EYS: variants seen among roughly 807,000 people sequenced by gnomAD.
EYS encodes the protein protein eyes shut homolog.
In EYS, 250 loss-of-function variants were observed where a neutral mutation model predicts 282.1. The observed-to-expected ratio is 0.89, with a 90% confidence interval of 0.80 to 0.98. EYS has a LOEUF of 0.98. Among genes scored for constraint, EYS ranks in the 50% least tolerant of loss-of-function variants. The pLI is 0.00. For synonymous variants in EYS, 1,355 were observed against 1,282.9 expected, an observed-to-expected ratio of 1.06 and a Z score of -1.20; for missense variants, 4,016 against 3,709.0, an observed-to-expected ratio of 1.08 and a Z score of -2.15.
chr6:65,545,113 T>C (rs985571489), intron 2 of EYS, among the ~76,000 whole-genome samples: 5 of 152,082 alleles, frequency 3.3e-5, no homozygotes, highest in Non-Finnish European at 7.4e-5. Flanking sequence ...CTTACATTCA[T>C]TAGTTTAAAG....
At chr6:65,094,319 A>C (rs1407752849) in intron 12 of EYS, among the ~76,000 whole-genome samples, 1 of 79,028 alleles carries the variant, frequency 1.3e-5, no homozygotes, top group Non-Finnish European at 3.3e-5. Context: ...ATCTTAACGA[A>C]AAAAAAAAAA....
chr6:64,876,104 T>G (rs1305168228), intron 19 of EYS, among the ~76,000 whole-genome samples: 1 of 152,026 alleles, frequency 6.6e-6, no homozygotes, highest in Non-Finnish European at 1.5e-5. Flanking sequence ...ACCTCTAGAT[T>G]TACTATAAAG....
chr6:65,169,245 A>T (rs756714961), intron 12 of EYS, among the ~76,000 whole-genome samples: 2 of 151,412 alleles, frequency 1.3e-5, no homozygotes, highest in African/African-American at 4.8e-5. Context: ...TAGATTGGAA[A>T]AGGCCAAGAG....
chr6:65,141,887 G>A (rs1764354525), intron 12 of EYS, among the ~76,000 whole-genome samples: 3 of 151,888 alleles, frequency 2.0e-5, no homozygotes, highest in South Asian at 4.1e-4. Context: ...GAAAAACACT[G>A]AGAATTTGTT....
In EYS at chr6:64,464,373, C is replaced by T. The variant is rs148581184; in HGVS notation, c.5645-25021G>A. On this transcript the variant is annotated intron_variant, in intron 26 of 42. Coordinates refer to ENST00000503581, the MANE Select transcript of EYS (RefSeq NM_001142800.2). The stretch of plus-strand genomic sequence containing the variant: ...GTGAAAAGTTATAAGCTCTCACATT[C>T]ACATTTCTTAGATCAGGAACAAGAC... Among the ~76,000 whole-genome samples, 666 of 152,204 alleles carry T rather than the reference C, an allele frequency of 4.4e-3. 5 individuals are homozygous for T. The highest frequency in any genetic ancestry group is 0.015 in the African/African-American group (619 of 41,544).
chr6:64,342,794 C>T (rs1285970383), intron 29 of EYS, among the ~76,000 whole-genome samples: 1 of 152,120 alleles, frequency 6.6e-6, no homozygotes, highest in Non-Finnish European at 1.5e-5. Flanking sequence ...CATCAGTGTG[C>T]TGTATTCAGG....
At chr6:63,818,841 G>A (rs319918) in intron 36 of EYS, among the ~76,000 whole-genome samples, 44 of 152,252 alleles carry the variant, frequency 2.9e-4, no homozygotes, top group African/African-American at 1.0e-3. Flanking sequence ...GGAAACCTCC[G>A]TGTGGCCCTG....
At chr6:64,142,994 GCTAAAAAGT>G (rs1745211602) in intron 31 of EYS, among the ~76,000 whole-genome samples, 1 of 152,100 alleles carries the variant, frequency 6.6e-6, no homozygotes, top group Non-Finnish European at 1.5e-5. Flanking sequence ...ATTATTCAGT[GCTAAAAAGT>G]GAGAAAGCCA....
chr6:63,781,057 G>GT (rs1255446995), intron 39 of EYS, among the ~76,000 whole-genome samples: 1 of 152,198 alleles, frequency 6.6e-6, no homozygotes, highest in Non-Finnish European at 1.5e-5. Context: ...TCAGATGGTT[G>GT]TAGATGTGTG....
intron 35 of EYS, among the ~76,000 whole-genome samples, chr6:63,963,134 G>T (rs1766154062): frequency 1.6e-5 from 2 of 127,248 alleles, no homozygotes; most frequent in South Asian, 2.7e-4. Flanking sequence ...GGGGAGGCGG[G>T]AGGGAGGAAG....
At chr6:64,711,483 C>A (rs2149934678) in intron 22 of EYS, among the ~76,000 whole-genome samples, 1 of 152,222 alleles carries the variant, frequency 6.6e-6, no homozygotes, top group East Asian at 1.9e-4. Flanking sequence ...AGATGAAAAT[C>A]TATTAAAATT....
intron 33 of EYS, among the ~76,000 whole-genome samples, chr6:64,021,876 T>C (rs1236318769): frequency 1.3e-5 from 2 of 152,232 alleles, no homozygotes; most frequent in East Asian, 3.8e-4. Flanking sequence ...ACATATTCTT[T>C]GCATTGTGCT....
At chr6:63,762,355 A>G in intron 41 of EYS, 106 bp downstream of exon 41, 1 of 1,064,746 alleles carries the variant, frequency 9.4e-7, no homozygotes, top group Non-Finnish European at 1.4e-6. Flanking sequence ...GTGGATTTGA[A>G]TTTTATTATA....
chr6:64,038,267 G>A (rs900360244), intron 33 of EYS, among the ~76,000 whole-genome samples: 2 of 152,062 alleles, frequency 1.3e-5, no homozygotes, highest in African/African-American at 2.4e-5. Context: ...GGTGACTACA[G>A]TTAGTAACGA....
chr6:64,441,724 G>T (rs556836131), intron 26 of EYS, among the ~76,000 whole-genome samples: 2 of 152,256 alleles, frequency 1.3e-5, no homozygotes, highest in East Asian at 3.9e-4. Flanking sequence ...GAGATCTGAT[G>T]ATTTTAAAAA....
rs1199002175 is a variant in EYS, at chr6:64,802,023, C to CTTTTTTTTTTTTTT, written c.3443+11354_3443+11355insAAAAAAAAAAAAAA. 2.7e-4 allele frequency among the ~76,000 whole-genome samples: 19 copies of CTTTTTTTTTTTTTT among 70,782 alleles called. 3 individuals are homozygous for CTTTTTTTTTTTTTT. Among genetic ancestry groups the CTTTTTTTTTTTTTT allele is most frequent in the South Asian group, 6.2e-4 (1 of 1,606 alleles). The allele number at this position is 70,782 out of a possible 152,430, so 46.4% of individuals were successfully genotyped here. A position where few individuals can be genotyped will look rare whatever the true frequency, so the allele number is the denominator to read the frequency against. On this transcript the variant is annotated intron_variant, in intron 22 of 42. Coordinates refer to ENST00000503581, the MANE Select transcript of EYS (RefSeq NM_001142800.2). ...AGAGAGTTATAACAAATTTCTTTTT[C>CTTTTTTTTTTTTTT]TTTTTTTTTCTTTTTTTTTTTTTTT...
intron 12 of EYS, among the ~76,000 whole-genome samples, chr6:65,183,181 T>A (rs1215340776): frequency 1.3e-5 from 2 of 151,994 alleles, no homozygotes; most frequent in Non-Finnish European, 2.9e-5. Flanking sequence ...AGGACAGTAT[T>A]TTTTCGTATA....
chr6:65,688,071 G>GAA lies in EYS; in HGVS notation c.-448+19062_-448+19063dup, dbSNP rs138440308. ...ACCAATGACTTTCTTCACAGAATTG[G>GAA]AAAAAAAATACTTTAAAGTTCATAT... On this transcript the variant is annotated intron_variant, in intron 1 of 42. Coordinates refer to ENST00000503581, the MANE Select transcript of EYS (RefSeq NM_001142800.2). 1.8e-4 allele frequency among the ~76,000 whole-genome samples: 28 copies of GAA among 151,628 alleles called. No homozygotes were observed. In the South Asian group the frequency reaches 1.9e-3, roughly 10 times the overall value.
Position 65,295,624 on chromosome 6 carries a change from C to T in EYS, c.2023+239G>A, listed in dbSNP as rs577501850. ...ATATACCATCATATTCCCAATGCTT[C>T]AGCCTGACCTTATTAGTCTTATTTG... On this transcript the variant is annotated intron_variant, in intron 12 of 42. Transcript: ENST00000503581. The T allele has an allele frequency of 5.2e-5, 26 of 502,508 alleles. No individual in the cohort carries two copies. The East Asian group carries it at 8.2e-4, about 16-fold the overall frequency. 31.1% of individuals were successfully genotyped at this position (502,508 alleles called of 1,614,324 possible).
Sources: allele counts gnomAD v4.1 joint callset (sites outside exome capture counted in the v4.1 genomes callset), GRCh38; gene constraint gnomAD v4.1.1; transcripts MANE v1.5; gene names NCBI Gene and HGNC (gene_info 2026-07-23, HGNC 2026-07-21).